The following TBPL1 variants were observed in gnomAD, a reference collection of about 807,000 sequenced individuals.
TBPL1 encodes TATA-box binding protein like 1.
In TBPL1, 4 loss-of-function variants were observed where a neutral mutation model predicts 22.1. The ratio of observed to expected loss-of-function variants is 0.18; its 90% confidence interval spans 0.09 to 0.41. TBPL1 has a LOEUF of 0.41. TBPL1 is among the 10% of genes least tolerant of loss of function. The probability of loss-of-function intolerance (pLI) is 1.00; values close to 1 mark genes in which losing one functional copy is unlikely to be tolerated. For missense variants in TBPL1, 115 were observed against 222.3 expected (o/e 0.52, Z 3.07); for synonymous variants, 64 against 71.0 (o/e 0.90, Z 0.50).
chr6:133,969,668 G>A (rs1421095501), intron 1 of TBPL1, among the ~76,000 whole-genome samples: 1 of 152,084 alleles, frequency 6.6e-6, no homozygotes, highest in Admixed American at 6.6e-5. Flanking sequence ...CTATAAAAAT[G>A]CCAACCCTGT....
At chr6:133,960,127 C>T (rs1277087358) in intron 1 of TBPL1, among the ~76,000 whole-genome samples, 5 of 152,142 alleles carry the variant, frequency 3.3e-5, no homozygotes, top group Admixed American at 3.3e-4. Context: ...ATGAGCATAC[C>T]TTAATTGCTT....
At chr6:133,972,901 C>G (rs1441400920) in intron 1 of TBPL1, among the ~76,000 whole-genome samples, 14 of 152,106 alleles carry the variant, frequency 9.2e-5, no homozygotes, top group Admixed American at 9.2e-4. Flanking sequence ...GTGGTATTAT[C>G]ACCAATTTAT....
chr6:133,978,934 T>C (rs1776361721), intron 1 of TBPL1, among the ~76,000 whole-genome samples: 1 of 152,218 alleles, frequency 6.6e-6, no homozygotes, highest in African/African-American at 2.4e-5. Context: ...TTTCTGATCT[T>C]TTTGTGAGTT....
chr6:133,978,562 C>T (rs1776354688), intron 1 of TBPL1, among the ~76,000 whole-genome samples: 1 of 152,168 alleles, frequency 6.6e-6, no homozygotes. Context: ...CCTCACTCCT[C>T]ATACGTAAAA....
chr6:133,987,234 CATGAT>C lies in TBPL1; in HGVS notation c.*197_*201del. On this transcript the variant is annotated 3_prime_UTR_variant, in exon 7 of 7. Coordinates refer to ENST00000237264, the MANE Select transcript of TBPL1 (RefSeq NM_004865.4). ...GTAATATAAAAGGAAGTTTACAAGACATGATATTGCTGCTTTTACAAAAGGACATT... is the reference window on the plus strand; with the variant it reads ...GTAATATAAAAGGAAGTTTACAAGACATTGCTGCTTTTACAAAAGGACATT... The C allele has an allele frequency of 2.5e-6, 1 of 402,222 alleles. No homozygotes were observed. The highest frequency in any genetic ancestry group is 4.4e-6 in the Non-Finnish European group (1 of 225,288). 24.9% of individuals were successfully genotyped at this position (402,222 alleles called of 1,614,324 possible).
intron 1 of TBPL1, among the ~76,000 whole-genome samples, chr6:133,963,457 C>T (rs1028183549): frequency 4.6e-5 from 7 of 152,154 alleles, no homozygotes; most frequent in Non-Finnish European, 7.3e-5. Context: ...CATAGTCTCA[C>T]TCTATAGCCC....
intron 1 of TBPL1, among the ~76,000 whole-genome samples, chr6:133,967,553 G>A (rs544863423): frequency 2.3e-4 from 35 of 152,178 alleles, no homozygotes; most frequent in African/African-American, 5.3e-4. Flanking sequence ...AAACCCAGAC[G>A]GTAGAATCTA....
At chr6:133,972,470 A>C (rs1233018643) in intron 1 of TBPL1, among the ~76,000 whole-genome samples, 1 of 152,212 alleles carries the variant, frequency 6.6e-6, no homozygotes, top group African/African-American at 2.4e-5. Flanking sequence ...GGGCTTGTCC[A>C]GTAATCAGCA....
intron 1 of TBPL1, among the ~76,000 whole-genome samples, chr6:133,959,807 C>G (rs1007241460): frequency 6.6e-6 from 1 of 152,178 alleles, no homozygotes; most frequent in African/African-American, 2.4e-5. Flanking sequence ...CTATCACACT[C>G]TTTTTCAGGG....
Position 133,989,472 on chromosome 6 carries a change from A to G in TBPL1, c.*2432A>G, listed in dbSNP as rs1420521635. ...GGGCTAAACAAAAAATACCTGAAGTATATATAGAGTTTGAACTATAAACAC... is the reference window on the plus strand; with the variant it reads ...GGGCTAAACAAAAAATACCTGAAGTGTATATAGAGTTTGAACTATAAACAC... On this transcript the variant is annotated 3_prime_UTR_variant, in exon 7 of 7. Coordinates refer to ENST00000237264, the MANE Select transcript of TBPL1 (RefSeq NM_004865.4). The G allele has an allele frequency of 1.3e-5, 2 of 152,340 alleles. No individual in the cohort carries two copies. The highest frequency in any genetic ancestry group is 2.1e-4 in the South Asian group (1 of 4,832). 9.4% of individuals were successfully genotyped at this position (152,340 alleles called of 1,614,324 possible). A position where few individuals can be genotyped will look rare whatever the true frequency, so the allele number is the denominator to read the frequency against.
chr6:133,985,503 CTA>C (rs1776503519), intron 6 of TBPL1, among the ~76,000 whole-genome samples: 1 of 150,550 alleles, frequency 6.6e-6, no homozygotes, highest in Non-Finnish European at 1.5e-5. Flanking sequence ...GTTTGTCTTG[CTA>C]TATCTTTTAA....
intron 2 of TBPL1, among the ~76,000 whole-genome samples, chr6:133,980,697 T>G (rs1054792664): frequency 2.7e-4 from 41 of 151,640 alleles, no homozygotes; most frequent in African/African-American, 8.7e-4. Flanking sequence ...TAATATGATT[T>G]ATATCTTAAC....
rs191239165 is a variant in TBPL1, at chr6:133,980,078, T to C, written c.-44-4T>C. ...TAATGACTTTATTTTGTTTTATTTC[T>C]CAGGATGTGATCTTCGTGGTGGAAA... On this transcript the variant is annotated splice_polypyrimidine_tract_variant and splice_region_variant and intron_variant, in intron 1 of 6. Coordinates refer to ENST00000237264, the MANE Select transcript of TBPL1 (RefSeq NM_004865.4). The C allele has an allele frequency of 1.6e-5, 22 of 1,418,678 alleles. No homozygotes were observed. In the East Asian group the frequency reaches 2.1e-4, roughly 14 times the overall value. The allele number at this position is 1,418,678 out of a possible 1,614,324, so 87.9% of individuals were successfully genotyped here. A position where few individuals can be genotyped will look rare whatever the true frequency, so the allele number is the denominator to read the frequency against.
At chr6:133,973,780 T>A (rs1219503406) in intron 1 of TBPL1, among the ~76,000 whole-genome samples, 1 of 152,098 alleles carries the variant, frequency 6.6e-6, no homozygotes, top group Non-Finnish European at 1.5e-5. Flanking sequence ...AGTTTTGAAG[T>A]TTGCTTTTTT....
intron 1 of TBPL1, among the ~76,000 whole-genome samples, chr6:133,973,627 T>G (rs1776261997): frequency 6.6e-6 from 1 of 152,200 alleles, no homozygotes; most frequent in Non-Finnish European, 1.5e-5. Flanking sequence ...GGAGTAATGT[T>G]TTTGAATACC....
At chr6:133,963,883 A>C (rs986502663) in intron 1 of TBPL1, among the ~76,000 whole-genome samples, 1 of 151,518 alleles carries the variant, frequency 6.6e-6, no homozygotes, top group African/African-American at 2.4e-5. Flanking sequence ...ACAAAAAAAA[A>C]AAAAAAAATT....
intron 4 of TBPL1, 105 bp downstream of exon 4, chr6:133,982,985 T>G: frequency 9.4e-7 from 1 of 1,066,244 alleles, no homozygotes. Flanking sequence ...ACTATTCTTA[T>G]GATTAAACTT....
At chr6:133,982,015 T>A (rs957467144) in intron 2 of TBPL1, among the ~76,000 whole-genome samples, 2 of 152,120 alleles carry the variant, frequency 1.3e-5, no homozygotes, top group African/African-American at 4.8e-5. Flanking sequence ...AACTCTAGGA[T>A]GCAATATAAA....
intron 1 of TBPL1, among the ~76,000 whole-genome samples, chr6:133,961,913 C>G (rs1336529293): frequency 1.3e-5 from 2 of 152,110 alleles, no homozygotes; most frequent in African/African-American, 2.4e-5. Flanking sequence ...TTTTCTTCCA[C>G]TGAAATACAA....
Sources: gnomAD v4.1 joint callset for allele counts (sites outside exome capture counted in the v4.1 genomes callset) on GRCh38, gnomAD v4.1.1 for gene constraint, MANE v1.5 for transcripts, NCBI Gene and HGNC (gene_info 2026-07-23, HGNC 2026-07-21) for gene names.